The following TNNI3K variants were observed in gnomAD, a reference collection of about 807,000 sequenced individuals.
TNNI3K encodes the protein serine/threonine-protein kinase TNNI3K.
TNNI3K carries 140 observed loss-of-function variants against 114.5 expected under a neutral mutation model. The ratio of observed to expected loss-of-function variants is 1.22; its 90% confidence interval spans 1.07 to 1.41. The LOEUF is 1.41. TNNI3K is among the 40% of genes most tolerant of loss of function. The pLI is 0.00. For missense variants in TNNI3K, 1,125 were observed against 1,007.6 expected (o/e 1.12, Z -1.58); for synonymous variants, 347 against 347.5 (o/e 1.00, Z 0.02).
At position 74,342,991 on chromosome 1, in the gene TNNI3K, G is replaced by A; in HGVS notation, c.827+5G>A. On this transcript the variant is annotated splice_donor_5th_base_variant and intron_variant, in intron 8 of 24. Transcript: ENST00000326637. ...TGGAGATACCCCCTTACACCTGTGA[G>A]TATTATGTAGCATTCCATAGGTTCT... 3.1e-6 allele frequency: 5 copies of A among 1,613,786 alleles called. 1 individual carries two copies. The South Asian group carries it at 3.3e-5, about 11-fold the overall frequency.
chr1:74,366,671 A>C (rs893790233), intron 11 of TNNI3K: 2 of 152,016 alleles, frequency 1.3e-5, no homozygotes, highest in Non-Finnish European at 2.9e-5. Flanking sequence ...AGTTGGATGC[A>C]AGGTACATAG....
chr1:74,412,409 A>G (rs752394599), intron 17 of TNNI3K, among the ~76,000 whole-genome samples: 1 of 152,156 alleles, frequency 6.6e-6, no homozygotes, highest in Non-Finnish European at 1.5e-5. Flanking sequence ...GGCTTGATAT[A>G]TACTCATTCA....
chr1:74,327,973 A>G (rs1324097283), intron 5 of TNNI3K, among the ~76,000 whole-genome samples: 1 of 151,874 alleles, frequency 6.6e-6, no homozygotes, highest in East Asian at 1.9e-4. Flanking sequence ...AATGTTAATA[A>G]TATATTTAAA....
intron 23 of TNNI3K, chr1:74,512,476 A>G (rs79298958): frequency 6.6e-6 from 1 of 152,360 alleles, no homozygotes; most frequent in Non-Finnish European, 1.5e-5. Flanking sequence ...ATAAAGGTGT[A>G]AAAATCCAGC....
At chr1:74,280,389 A>T (rs1013218814) in intron 5 of TNNI3K, among the ~76,000 whole-genome samples, 1 of 149,168 alleles carries the variant, frequency 6.7e-6, no homozygotes, top group Non-Finnish European at 1.5e-5. Context: ...CTCAAAAAAA[A>T]AATAAAATAA....
At position 74,249,365 on chromosome 1, in the gene TNNI3K, T is replaced by C. The variant is rs1016575026; in HGVS notation, c.150-94T>C. ...ATCTTAGAAAAAATACATTTCTGAA[T>C]TGATAGTAACAGGATTTGCATTTAT... On this transcript the variant is annotated intron_variant, in intron 2 of 24. Transcript: ENST00000326637. The C allele has an allele frequency of 1.3e-5, 16 of 1,247,702 alleles. No individual in the cohort carries two copies. The African/African-American group carries it at 2.0e-4, about 15-fold the overall frequency. The allele number at this position is 1,247,702 out of a possible 1,614,324, so 77.3% of individuals were successfully genotyped here. A position where few individuals can be genotyped will look rare whatever the true frequency, so the allele number is the denominator to read the frequency against.
chr1:74,455,664 G>A (rs1385163844), intron 20 of TNNI3K, among the ~76,000 whole-genome samples: 3 of 152,170 alleles, frequency 2.0e-5, no homozygotes, highest in Non-Finnish European at 4.4e-5. Context: ...GGTCACCACT[G>A]TAAGTTCCAG....
chr1:74,306,077 T>C (rs1454180189), intron 5 of TNNI3K, among the ~76,000 whole-genome samples: 1 of 152,218 alleles, frequency 6.6e-6, no homozygotes, highest in Non-Finnish European at 1.5e-5. Flanking sequence ...GTCAATTGTT[T>C]AGATCCCTCT....
At chr1:74,448,184 G>A (rs1457985654) in intron 20 of TNNI3K, among the ~76,000 whole-genome samples, 9 of 106,766 alleles carry the variant, frequency 8.4e-5, no homozygotes, top group East Asian at 2.7e-4. Flanking sequence ...TGGGTGCAGC[G>A]CACCAGCATG....
At chr1:74,383,073 T>A (rs1324333303) in intron 17 of TNNI3K, among the ~76,000 whole-genome samples, 1 of 148,618 alleles carries the variant, frequency 6.7e-6, no homozygotes, top group African/African-American at 2.6e-5. Context: ...TTCTTTAATT[T>A]CTTTTTTTTT....
chr1:74,328,134 A>G (rs916629880), intron 5 of TNNI3K, among the ~76,000 whole-genome samples: 1 of 152,142 alleles, frequency 6.6e-6, no homozygotes, highest in Non-Finnish European at 1.5e-5. Context: ...ATATTACCTT[A>G]TGCCTGGTGG....
chr1:74,437,101 T>C (rs1367120569), intron 19 of TNNI3K, among the ~76,000 whole-genome samples: 2 of 152,080 alleles, frequency 1.3e-5, no homozygotes, highest in Non-Finnish European at 2.9e-5. Context: ...CTGGACTACT[T>C]GTGATAACTA....
At chr1:74,507,463 G>A (rs1486720983) in intron 23 of TNNI3K, among the ~76,000 whole-genome samples, 1 of 152,102 alleles carries the variant, frequency 6.6e-6, no homozygotes, top group Admixed American at 6.6e-5. Flanking sequence ...TACACACAGA[G>A]TAAGCTTCTT....
chr1:74,513,689 G>A (rs1026417441), intron 23 of TNNI3K, among the ~76,000 whole-genome samples: 20 of 152,148 alleles, frequency 1.3e-4, no homozygotes, highest in African/African-American at 4.6e-4. Flanking sequence ...TCATGTTTAG[G>A]GGTTGAAAAG....
At chr1:74,452,173 T>C (rs1181945933) in intron 20 of TNNI3K, among the ~76,000 whole-genome samples, 3 of 152,164 alleles carry the variant, frequency 2.0e-5, no homozygotes, top group Non-Finnish European at 4.4e-5. Context: ...TTGCATTTCA[T>C]CTGACCTCTA....
At chr1:74,431,557 T>C (rs1056079238) in intron 17 of TNNI3K, among the ~76,000 whole-genome samples, 1 of 152,066 alleles carries the variant, frequency 6.6e-6, no homozygotes. Context: ...AGTAATTGGT[T>C]GAGCTAGAAC....
chr1:74,418,746 G>GAA (rs145312467), intron 17 of TNNI3K, among the ~76,000 whole-genome samples: 4 of 146,342 alleles, frequency 2.7e-5, no homozygotes, highest in South Asian at 2.2e-4. Context: ...AGATGTTCAA[G>GAA]AAAAAAAAAA....
intron 5 of TNNI3K, among the ~76,000 whole-genome samples, chr1:74,310,286 G>A (rs909969777): frequency 1.4e-4 from 22 of 152,030 alleles, no homozygotes; most frequent in African/African-American, 4.8e-4. Context: ...ATATCTACAA[G>A]GATAACTACA....
At chr1:74,373,555 A>G (rs1419527520) in intron 17 of TNNI3K, 2 of 151,906 alleles carry the variant, frequency 1.3e-5, no homozygotes, top group East Asian at 3.9e-4. Flanking sequence ...CATTTTCTGA[A>G]CTAAGCATTG....
Sources: gnomAD v4.1 joint callset for allele counts (sites outside exome capture counted in the v4.1 genomes callset) on GRCh38, gnomAD v4.1.1 for gene constraint, MANE v1.5 for transcripts, NCBI Gene and HGNC (gene_info 2026-07-23, HGNC 2026-07-21) for gene names.